CNTN1: variants seen among roughly 807,000 people sequenced by gnomAD.
CNTN1 encodes contactin 1, also known as contactin-1.
A neutral mutation model predicts 126.4 loss-of-function variants in CNTN1; 38 were observed. The observed-to-expected ratio is 0.30, with a 90% CI of 0.23 to 0.39. The LOEUF (loss-of-function observed/expected upper bound fraction) is 0.39, where lower values mean the gene tolerates loss of function less well. Among genes scored for constraint, CNTN1 ranks in the 10% least tolerant of loss-of-function variants. The pLI is 1.00. For synonymous variants in CNTN1, 413 were observed against 422.6 expected, an observed-to-expected ratio of 0.98 and a Z score of 0.28; for missense variants, 1,009 against 1,248.4, an observed-to-expected ratio of 0.81 and a Z score of 2.89.
intron 17 of CNTN1, among the ~76,000 whole-genome samples, chr12:41,010,220 G>A (rs948242209): frequency 2.9e-4 from 44 of 152,076 alleles, no homozygotes; most frequent in African/African-American, 9.9e-4. Flanking sequence ...CTGGAGCTCC[G>A]GGACCCATCA....
intron 23 of CNTN1, among the ~76,000 whole-genome samples, chr12:41,068,132 C>T (rs1048187359): frequency 7.9e-5 from 12 of 152,200 alleles, no homozygotes; most frequent in African/African-American, 2.9e-4. Context: ...ATGGCCTTTG[C>T]AGCTGGACAA....
chr12:40,793,359 T>C (rs1940291543), intron 1 of CNTN1, among the ~76,000 whole-genome samples: 1 of 152,090 alleles, frequency 6.6e-6, no homozygotes, highest in Non-Finnish European at 1.5e-5. Flanking sequence ...GTATGCTTTT[T>C]TCCCCTGTTA....
intron 1 of CNTN1, among the ~76,000 whole-genome samples, chr12:40,894,499 C>CT (rs574731448): frequency 9.2e-5 from 14 of 152,260 alleles, no homozygotes; most frequent in African/African-American, 3.1e-4. Flanking sequence ...TATATGGAAA[C>CT]TCTCTGTACT....
chr12:40,779,086 T>C (rs1939696844), intron 1 of CNTN1, among the ~76,000 whole-genome samples: 1 of 151,800 alleles, frequency 6.6e-6, no homozygotes, highest in African/African-American at 2.4e-5. Flanking sequence ...GGGATAGACT[T>C]TAGTTTCCAC....
intron 1 of CNTN1, among the ~76,000 whole-genome samples, chr12:40,842,532 A>T (rs7310770): frequency 0.15 from 23,354 of 152,100 alleles, 1,813 homozygotes; most frequent in Middle Eastern, 0.21. Context: ...TAACTTATGT[A>T]TCAATAATCA....
intron 5 of CNTN1, among the ~76,000 whole-genome samples, chr12:40,923,420 A>T (rs1945522513): frequency 2.0e-5 from 3 of 152,182 alleles, no homozygotes; most frequent in Admixed American, 1.3e-4. Context: ...GGTAGGGTTT[A>T]TCAGGAGGGA....
At chr12:40,860,204 T>C (rs1298341994) in intron 1 of CNTN1, among the ~76,000 whole-genome samples, 1 of 152,136 alleles carries the variant, frequency 6.6e-6, no homozygotes, top group Non-Finnish European at 1.5e-5. Context: ...TGCCAGGATA[T>C]AAAACTGAAA....
intron 1 of CNTN1, among the ~76,000 whole-genome samples, chr12:40,801,719 T>A (rs534517295): frequency 5.9e-5 from 9 of 151,858 alleles, no homozygotes; most frequent in Non-Finnish European, 1.3e-4. Context: ...GCCAACTGGA[T>A]GTTTTATGCC....
At chr12:40,766,790 A>G (rs7295663) in intron 1 of CNTN1, among the ~76,000 whole-genome samples, 145,721 of 152,228 alleles carry the variant, frequency 0.96, 70,023 homozygotes, top group East Asian at 1. Flanking sequence ...CCTGGAGACC[A>G]ATCAGTTGGG....
At chr12:41,017,007 T>G in intron 19 of CNTN1, 91 bp downstream of exon 19, 1 of 1,012,212 alleles carries the variant, frequency 9.9e-7, no homozygotes, top group South Asian at 1.3e-5. Context: ...AGGCCTTACT[T>G]ATTAAGACCT....
At chr12:40,982,717 C>G (rs1322893748) in intron 16 of CNTN1, among the ~76,000 whole-genome samples, 1 of 151,784 alleles carries the variant, frequency 6.6e-6, no homozygotes, top group Non-Finnish European at 1.5e-5. Context: ...TAAAACCTGT[C>G]TTCAAGGAGC....
chr12:40,710,420 T>C lies in CNTN1; in HGVS notation c.-77+17828T>C, dbSNP rs868213147. Reference sequence around the variant, plus strand: ...GCCAATCACAGATCACCATAACACATATAATAATAATGAAAAAGTTTGAAA... The same window carrying C: ...GCCAATCACAGATCACCATAACACACATAATAATAATGAAAAAGTTTGAAA... On this transcript the variant is annotated intron_variant, in intron 1 of 23. Coordinates refer to ENST00000551295, the MANE Select transcript of CNTN1 (RefSeq NM_001843.4). 3.9e-5 allele frequency among the ~76,000 whole-genome samples: 6 copies of C among 152,144 alleles called. No individual in the cohort carries two copies. In the South Asian group the frequency reaches 1.0e-3, roughly 26 times the overall value.
At chr12:40,829,480 G>GA (rs199652469) in intron 1 of CNTN1, among the ~76,000 whole-genome samples, 1 of 151,088 alleles carries the variant, frequency 6.6e-6, no homozygotes, top group Non-Finnish European at 1.5e-5. Flanking sequence ...TATGTTTTGG[G>GA]AAAAAAAAGT....
intron 1 of CNTN1, among the ~76,000 whole-genome samples, chr12:40,777,134 C>T (rs1157027049): frequency 6.6e-6 from 1 of 151,506 alleles, no homozygotes; most frequent in East Asian, 1.9e-4. Context: ...AACCTTAAAG[C>T]GAAAATCATC....
chr12:40,906,673 TTTTTTGTTTTG>T (rs1451287681), intron 1 of CNTN1, among the ~76,000 whole-genome samples: 1 of 133,180 alleles, frequency 7.5e-6, no homozygotes, highest in Admixed American at 7.7e-5. Context: ...TTCATGCTTT[TTTTTTGTTTTG>T]TTTTTTTTGA....
In CNTN1 at chr12:40,715,717, A is replaced by G. The variant is rs990349708; in HGVS notation, c.-77+23125A>G. The stretch of plus-strand genomic sequence containing the variant: ...AAATCTCTTATAATTTAGCAGTCAG[A>G]GGAGTTGATGTAATTTGCCATCACA... On this transcript the variant is annotated intron_variant, in intron 1 of 23. Coordinates refer to ENST00000551295, the MANE Select transcript of CNTN1 (RefSeq NM_001843.4). 3.3e-5 allele frequency among the ~76,000 whole-genome samples: 5 copies of G among 152,160 alleles called. No individual in the cohort carries two copies. In the South Asian group the frequency reaches 1.0e-3, roughly 31 times the overall value.
intron 4 of CNTN1, among the ~76,000 whole-genome samples, chr12:40,921,175 C>A (rs1051754720): frequency 1.3e-5 from 2 of 152,066 alleles, no homozygotes; most frequent in Admixed American, 1.3e-4. Flanking sequence ...TCCTATACTG[C>A]GAAAATTGTA....
At chr12:40,973,361 A>G (rs1010836340) in intron 15 of CNTN1, among the ~76,000 whole-genome samples, 1 of 152,158 alleles carries the variant, frequency 6.6e-6, no homozygotes, top group Admixed American at 6.6e-5. Context: ...CCTGCAATAA[A>G]TAATGAGACT....
intron 15 of CNTN1, 67 bp from the exon 16 acceptor site, chr12:40,980,842 A>G (rs1947801388): frequency 1.4e-6 from 2 of 1,413,752 alleles, no homozygotes; most frequent in South Asian, 1.2e-5. Flanking sequence ...AGACATTTTT[A>G]TATTCTAATG....
Sources: allele counts gnomAD v4.1 joint callset (sites outside exome capture counted in the v4.1 genomes callset), GRCh38; gene constraint gnomAD v4.1.1; transcripts MANE v1.5; gene names NCBI Gene and HGNC (gene_info 2026-07-23, HGNC 2026-07-21).